The following NF1 variants were observed in gnomAD, a reference collection of about 807,000 sequenced individuals.
NF1 encodes neurofibromin 1.
A neutral mutation model predicts 325.7 loss-of-function variants in NF1; 122 were observed. The observed-to-expected ratio is 0.37, with a 90% confidence interval of 0.32 to 0.44. NF1 has a LOEUF of 0.44. Ranked by LOEUF, NF1 falls within the 20% of genes least tolerant of loss-of-function variation. The probability of loss-of-function intolerance (pLI) is 1.00; values close to 1 mark genes in which losing one functional copy is unlikely to be tolerated. For synonymous variants in NF1, 1,091 were observed against 1,186.0 expected (o/e 0.92, Z 1.65); for missense variants, 2,140 against 3,415.4 (o/e 0.63, Z 9.31).
intron 4 of NF1, among the ~76,000 whole-genome samples, chr17:31,168,574 T>C (rs148272381): frequency 2.0e-5 from 3 of 152,310 alleles, no homozygotes; most frequent in East Asian, 3.9e-4. Context: ...TGTTTATTTG[T>C]TGGACTGCGT....
At chr17:31,358,335 A>G (rs1392071313) in intron 54 of NF1, 145 bp from the exon 55 acceptor site, 1 of 824,714 alleles carries the variant, frequency 1.2e-6, no homozygotes, top group African/African-American at 1.7e-5. Context: ...TTGGAAAATG[A>G]AGAAATGCCC....
In NF1 at chr17:31,327,753, A is replaced by G. The variant is rs151046636; in HGVS notation, c.5523A>G (p.Gln1841=). 16 of 1,613,908 alleles carry G rather than the reference A, an allele frequency of 9.9e-6. No homozygotes were observed. In the African/African-American group the frequency reaches 2.0e-4, roughly 20 times the overall value. ...WELSQPDSIP[Q]HTKIRPKDVP... is the part of the protein sequence containing the mutation. Reference sequence around the variant, plus strand: ...TGTCACAGCCCGACTCTATCCCCCAACACACCAAGATTCGGCCAAAAGATG... The same window carrying G: ...TGTCACAGCCCGACTCTATCCCCCAGCACACCAAGATTCGGCCAAAAGATG... Residue 1841 remains glutamine, a synonymous_variant, in exon 38 of 58, where the codon CAA becomes CAG. Coordinates refer to ENST00000358273, the MANE Select transcript of NF1 (RefSeq NM_001042492.3).
Position 31,158,883 on chromosome 17 carries a change from A to T in NF1, c.205-127A>T. 26 of 627,268 alleles carry T rather than the reference A, an allele frequency of 4.1e-5. No individual in the cohort carries two copies. The South Asian group carries it at 4.4e-4, about 11-fold the overall frequency. The allele number at this position is 627,268 out of a possible 1,614,324, so 38.9% of individuals were successfully genotyped here. On this transcript the variant is annotated intron_variant, in intron 2 of 57. Coordinates refer to ENST00000358273, the MANE Select transcript of NF1 (RefSeq NM_001042492.3). ...AAAATCAGAAATAATATATTTAAGT[A>T]TAGTATAATCTGGGAGGTAAAATGG... is the stretch of plus-strand genomic sequence containing the variant.
intron 1 of NF1, among the ~76,000 whole-genome samples, chr17:31,116,373 A>T (rs1258058412): frequency 6.6e-6 from 1 of 151,674 alleles, no homozygotes; most frequent in African/African-American, 2.4e-5. Context: ...TTTTATGCTA[A>T]CCCTGCATAA....
intron 2 of NF1, among the ~76,000 whole-genome samples, chr17:31,157,963 T>C (rs2065695352): frequency 6.6e-6 from 1 of 151,196 alleles, no homozygotes; most frequent in East Asian, 1.9e-4. Flanking sequence ...AGACTCCGTC[T>C]CAAAAAAAAA....
rs755501749 is a variant in NF1 at position 31,230,260 on chromosome 17, G to A, written c.2991G>A (p.Arg997=). The A allele has an allele frequency of 3.1e-6, 5 of 1,611,604 alleles. No individual in the cohort carries two copies. The highest frequency in any genetic ancestry group is 4.2e-6 in the Non-Finnish European group (5 of 1,178,614). ...TTTTATTGTTTCTATGTCTATATAG[G>A]TATGTTCGTGTGCTTGGGAATATGG... ...SIETMMLNLV[R]YVRVLGNMVH... The change falls in exon 23 of 58, where the codon AGG becomes AGA. Residue 997 remains arginine (R), a splice_region_variant and synonymous_variant. Transcript: ENST00000358273.
At chr17:31,318,306 A>G (rs957697556) in intron 36 of NF1, 5 of 1,602,616 alleles carry the variant, frequency 3.1e-6, no homozygotes, top group Non-Finnish European at 4.3e-6. Flanking sequence ...TTCTTCACTA[A>G]CCTATCTGTT....
At chr17:31,300,624 A>C (rs568367833) in intron 36 of NF1, among the ~76,000 whole-genome samples, 4 of 152,122 alleles carry the variant, frequency 2.6e-5, no homozygotes, top group African/African-American at 9.7e-5. Flanking sequence ...TTGTACCTAA[A>C]TAATTTTATA....
intron 1 of NF1, among the ~76,000 whole-genome samples, chr17:31,100,897 C>T (rs546995870): frequency 2.9e-4 from 44 of 152,290 alleles, no homozygotes; most frequent in African/African-American, 1.0e-3. Flanking sequence ...AGATTTCTTC[C>T]AGCTGTTCCT....
rs76800349 is a variant in NF1 at position 31,122,796 on chromosome 17, G to T, written c.60+27427G>T. Among the ~76,000 whole-genome samples the T allele has an allele frequency of 9.5e-3, 1,446 of 152,286 alleles. 24 individuals carry two copies. Among genetic ancestry groups the T allele is most frequent in the African/African-American group, 0.033 (1,362 of 41,548 alleles). Reference sequence around the variant, plus strand: ...ATCATTTTGGTATGGAGAAGAAATGGTTAAAAATAGACCAGTGGGTCATCT... The same window carrying T: ...ATCATTTTGGTATGGAGAAGAAATGTTTAAAAATAGACCAGTGGGTCATCT... On this transcript the variant is annotated intron_variant, in intron 1 of 57. Transcript: ENST00000358273.
intron 1 of NF1, among the ~76,000 whole-genome samples, chr17:31,142,762 G>C (rs1172855897): frequency 6.6e-6 from 1 of 152,022 alleles, no homozygotes; most frequent in Non-Finnish European, 1.5e-5. Context: ...AGCTACTCGG[G>C]AGGCTGAGGC....
chr17:31,184,926 C>G (rs188166724), intron 8 of NF1, among the ~76,000 whole-genome samples: 1 of 152,262 alleles, frequency 6.6e-6, no homozygotes, highest in East Asian at 1.9e-4. Context: ...GAATGGGACC[C>G]TGCAACTTGG....
At chr17:31,101,971 G>A (rs543316630) in intron 1 of NF1, among the ~76,000 whole-genome samples, 1 of 152,282 alleles carries the variant, frequency 6.6e-6, no homozygotes, top group South Asian at 2.1e-4. Flanking sequence ...TAAACACACA[G>A]AACATTGATG....
Position 31,201,067 on chromosome 17 carries a change from T to A in NF1, c.1093T>A (p.Ser365Thr). The change falls in exon 10 of 58, where the codon TCA (serine) becomes ACA (threonine). Residue 365 changes from serine to threonine, a missense_variant. By Grantham distance (58) the Ser-to-Thr change is moderately conservative. Around this residue, in one of 10 missense-constraint regions of NF1, gnomAD observed 179 missense variants for 381.0 expected, o/e 0.47. Transcript: ENST00000358273. ...NLLFNPSKPF[S>T]RGSQPADVDL... Reference sequence around the variant, plus strand: ...GCTTTTTAATCCAAGTAAGCCATTCTCAAGAGGCAGTCAGCCTGCAGATGT... The same window carrying A: ...GCTTTTTAATCCAAGTAAGCCATTCACAAGAGGCAGTCAGCCTGCAGATGT... 6.2e-7 allele frequency: 1 copy of A among 1,614,052 alleles called. No individual in the cohort carries two copies. Among genetic ancestry groups the A allele is most frequent in the Non-Finnish European group, 8.5e-7 (1 of 1,180,002 alleles).
chr17:31,194,397 G>A (rs2066400032), intron 8 of NF1, among the ~76,000 whole-genome samples: 1 of 152,024 alleles, frequency 6.6e-6, no homozygotes, highest in Admixed American at 6.6e-5. Context: ...TAGGGTGCGG[G>A]GAGGGTAGGG....
chr17:31,262,321 A>T (rs1170450976), intron 35 of NF1, among the ~76,000 whole-genome samples: 1 of 152,230 alleles, frequency 6.6e-6, no homozygotes, highest in Admixed American at 6.5e-5. Flanking sequence ...TTCAGAAAAT[A>T]TAGTATACTT....
intron 36 of NF1, chr17:31,318,589 A>G (rs1555626667): frequency 1.9e-6 from 3 of 1,614,118 alleles, no homozygotes; most frequent in African/African-American, 1.3e-5. Context: ...AAGCACTGCA[A>G]TTATAATTAA....
At chr17:31,246,909 A>C (rs1298247427) in intron 29 of NF1, among the ~76,000 whole-genome samples, 1 of 152,114 alleles carries the variant, frequency 6.6e-6, no homozygotes, top group Non-Finnish European at 1.5e-5. Flanking sequence ...AGAGTTAGCA[A>C]CACTGGGCCG....
At chr17:31,186,015 C>T (rs2066232021) in intron 8 of NF1, among the ~76,000 whole-genome samples, 1 of 152,144 alleles carries the variant, frequency 6.6e-6, no homozygotes, top group Admixed American at 6.5e-5. Flanking sequence ...AACTGTGGGT[C>T]TTCAAGTCAC....
Sources: allele counts gnomAD v4.1 joint callset (sites outside exome capture counted in the v4.1 genomes callset), GRCh38; gene constraint gnomAD v4.1.1; regional missense constraint gnomAD v4.1.1; transcripts MANE v1.5; gene names NCBI Gene and HGNC (gene_info 2026-07-23, HGNC 2026-07-21).